CNTNAP5: variants seen among roughly 807,000 people sequenced by gnomAD.
CNTNAP5 encodes contactin associated protein family member 5.
In CNTNAP5, 72 loss-of-function variants were observed where a neutral mutation model predicts 150.2. The observed-to-expected ratio is 0.48, with a 90% CI of 0.40 to 0.58. The LOEUF is 0.58. Ranked by LOEUF, CNTNAP5 falls within the 20% of genes least tolerant of loss-of-function variation. The pLI, the probability that CNTNAP5 is intolerant of heterozygous loss-of-function variation, is 0.00. For missense variants in CNTNAP5, 1,636 were observed against 1,626.2 expected (o/e 1.01, Z -0.10); for synonymous variants, 672 against 619.8 (o/e 1.08, Z -1.25).
intron 13 of CNTNAP5, among the ~76,000 whole-genome samples, chr2:124,683,956 C>A (rs1215479723): frequency 6.6e-6 from 1 of 152,152 alleles, no homozygotes; most frequent in Non-Finnish European, 1.5e-5. Context: ...AATTCATTTT[C>A]TTTCTCCGCA....
At chr2:124,540,070 G>T (rs1695342881) in intron 10 of CNTNAP5, among the ~76,000 whole-genome samples, 4 of 152,184 alleles carry the variant, frequency 2.6e-5, no homozygotes, top group Non-Finnish European at 5.9e-5. Context: ...TGCAGATTAA[G>T]TTGGATTTTA....
chr2:124,066,447 T>C (rs1249417132), intron 1 of CNTNAP5, among the ~76,000 whole-genome samples: 1 of 152,158 alleles, frequency 6.6e-6, no homozygotes, highest in Non-Finnish European at 1.5e-5. Context: ...TAATATCCCA[T>C]TAGATCAATG....
chr2:124,794,125 G>T (rs1384583006), intron 18 of CNTNAP5, among the ~76,000 whole-genome samples: 1 of 152,128 alleles, frequency 6.6e-6, no homozygotes, highest in Non-Finnish European at 1.5e-5. Context: ...CCATCTTAAT[G>T]ATTGCAATAT....
chr2:124,820,209 T>A (rs1682455941), intron 19 of CNTNAP5, among the ~76,000 whole-genome samples: 2 of 152,168 alleles, frequency 1.3e-5, no homozygotes. Flanking sequence ...GGAAGGTAGA[T>A]GTGATGTCAA....
intron 6 of CNTNAP5, among the ~76,000 whole-genome samples, chr2:124,451,048 A>T (rs1264557218): frequency 5.5e-5 from 4 of 73,228 alleles, no homozygotes; most frequent in African/African-American, 2.1e-4. Flanking sequence ...AAAAAAAAAA[A>T]AAAATATATA....
intron 10 of CNTNAP5, among the ~76,000 whole-genome samples, chr2:124,534,675 C>T (rs989840770): frequency 6.6e-6 from 1 of 152,128 alleles, no homozygotes; most frequent in African/African-American, 2.4e-5. Flanking sequence ...GACATGGAGA[C>T]CATCTTGGTC....
intron 6 of CNTNAP5, among the ~76,000 whole-genome samples, chr2:124,448,609 A>C (rs1692887598): frequency 6.6e-6 from 1 of 152,214 alleles, no homozygotes; most frequent in Non-Finnish European, 1.5e-5. Context: ...TGTCTAGACC[A>C]GGGGTCAGAA....
intron 19 of CNTNAP5, among the ~76,000 whole-genome samples, chr2:124,837,290 A>C (rs1191888583): frequency 6.6e-6 from 1 of 152,152 alleles, no homozygotes; most frequent in Non-Finnish European, 1.5e-5. Context: ...TGTGACACTA[A>C]GTGCCATTTA....
Position 124,178,627 on chromosome 2 carries a change from C to T in CNTNAP5, c.83-43078C>T, listed in dbSNP as rs530828466. 7.2e-5 allele frequency among the ~76,000 whole-genome samples: 11 copies of T among 152,262 alleles called. No individual in the cohort carries two copies. The South Asian group carries it at 1.7e-3, about 23-fold the overall frequency. ...TTAGCTTGTGTTCCATTAAGACTAC[C>T]GAGTCAACTTTGATCTCAGTTCCTC... On this transcript the variant is annotated intron_variant, in intron 1 of 23. Coordinates refer to ENST00000682447, the MANE Select transcript of CNTNAP5 (RefSeq NM_001367498.1).
chr2:124,354,268 C>CA (rs569225119), intron 3 of CNTNAP5, among the ~76,000 whole-genome samples: 162 of 151,856 alleles, frequency 1.1e-3, no homozygotes, highest in Non-Finnish European at 1.7e-3. Flanking sequence ...TTAAAACAAA[C>CA]AAAAAAAATC....
At chr2:124,356,835 C>G (rs1180200600) in intron 3 of CNTNAP5, among the ~76,000 whole-genome samples, 2 of 151,340 alleles carry the variant, frequency 1.3e-5, no homozygotes, top group Non-Finnish European at 3.0e-5. Flanking sequence ...AATGGGATGG[C>G]TGGGTCAAAT....
chr2:124,195,186 G>A (rs1381723659), intron 1 of CNTNAP5, among the ~76,000 whole-genome samples: 1 of 152,222 alleles, frequency 6.6e-6, no homozygotes, highest in East Asian at 1.9e-4. Flanking sequence ...GGGCACCACT[G>A]GGAGTGGTAT....
chr2:124,598,407 G>C (rs1249879276), intron 11 of CNTNAP5, among the ~76,000 whole-genome samples: 3 of 127,640 alleles, frequency 2.4e-5, no homozygotes, highest in Admixed American at 8.2e-5. Context: ...CCTGCCGTGT[G>C]AGGTGTCAGT....
At chr2:124,044,730 C>T (rs1436966338) in intron 1 of CNTNAP5, among the ~76,000 whole-genome samples, 1 of 152,088 alleles carries the variant, frequency 6.6e-6, no homozygotes, top group East Asian at 1.9e-4. Flanking sequence ...CATATGGTTG[C>T]TTATATCTCC....
Position 124,789,957 on chromosome 2 carries a change from G to A in CNTNAP5, c.2808G>A (p.Leu936=). The change falls in exon 18 of 24, where the codon TTG becomes TTA. Residue 936 remains leucine (L), a synonymous_variant. Coordinates refer to ENST00000682447, the MANE Select transcript of CNTNAP5 (RefSeq NM_001367498.1). Reference sequence around the variant, plus strand: ...TAGGATGCATTCGCTCCTTACACTTGAATGGACAGAAAATGGACCTGGAAG... The same window carrying A: ...TAGGATGCATTCGCTCCTTACACTTAAATGGACAGAAAATGGACCTGGAAG... The part of the protein sequence containing the change: ...GFLGCIRSLH[L]NGQKMDLEER... The A allele has an allele frequency of 6.2e-7, 1 of 1,613,888 alleles. No individual in the cohort carries two copies. The highest frequency in any genetic ancestry group is 8.5e-7 in the Non-Finnish European group (1 of 1,179,842).
intron 13 of CNTNAP5, among the ~76,000 whole-genome samples, chr2:124,728,621 T>C (rs1461265918): frequency 6.6e-6 from 1 of 152,078 alleles, no homozygotes; most frequent in East Asian, 1.9e-4. Flanking sequence ...GTAATACATA[T>C]ACATTATTTT....
chr2:124,504,194 C>T (rs1694343976), intron 7 of CNTNAP5, 98 bp from the exon 8 acceptor site: 8 of 1,226,426 alleles, frequency 6.5e-6, no homozygotes, highest in Non-Finnish European at 9.3e-6. Context: ...GTGGAATGAT[C>T]CTGAAATTAA....
intron 3 of CNTNAP5, among the ~76,000 whole-genome samples, chr2:124,336,538 C>A (rs909437220): frequency 9.0e-6 from 1 of 110,980 alleles, no homozygotes; most frequent in African/African-American, 3.5e-5. Flanking sequence ...CCCCACCCCA[C>A]AACAGTCTCC....
chr2:124,893,064 C>T (rs773523826), intron 21 of CNTNAP5, among the ~76,000 whole-genome samples: 16 of 151,984 alleles, frequency 1.1e-4, no homozygotes, highest in Non-Finnish European at 2.1e-4. Flanking sequence ...TTATGAAAAA[C>T]GTGTATAGAA....
Sources: gnomAD v4.1 joint callset for allele counts (sites outside exome capture counted in the v4.1 genomes callset) on GRCh38, gnomAD v4.1.1 for gene constraint, MANE v1.5 for transcripts, NCBI Gene and HGNC (gene_info 2026-07-23, HGNC 2026-07-21) for gene names.